Variants in ATF6 observed in about 807,000 individuals in gnomAD.
ATF6 encodes activating transcription factor 6, also known as cyclic AMP-dependent transcription factor ATF-6 alpha.
In ATF6, 53 loss-of-function variants were observed where a neutral mutation model predicts 83.6. The observed-to-expected ratio is 0.63, with a 90% CI of 0.51 to 0.80. The LOEUF is 0.80. Ranked by LOEUF, ATF6 falls within the 30% of genes least tolerant of loss-of-function variation. The pLI, the probability that ATF6 is intolerant of heterozygous loss-of-function variation, is 0.00. For missense variants in ATF6, 744 were observed against 797.9 expected, an observed-to-expected ratio of 0.93 and a Z score of 0.81; for synonymous variants, 288 against 285.8, an observed-to-expected ratio of 1.01 and a Z score of -0.08.
At chr1:161,799,715 A>G (rs1685100708) in intron 6 of ATF6, among the ~76,000 whole-genome samples, 3 of 152,200 alleles carry the variant, frequency 2.0e-5, no homozygotes, top group African/African-American at 7.2e-5. Flanking sequence ...AGATCTTCTT[A>G]TCTGGGATAA....
chr1:161,769,196 T>C (rs1009242045), intron 1 of ATF6, among the ~76,000 whole-genome samples: 1 of 152,252 alleles, frequency 6.6e-6, no homozygotes, highest in Admixed American at 6.5e-5. Flanking sequence ...TGTGTTTCTA[T>C]AAAGCTTTAT....
chr1:161,823,202 A>G (rs555596785), intron 9 of ATF6, among the ~76,000 whole-genome samples: 2 of 152,172 alleles, frequency 1.3e-5, no homozygotes, highest in South Asian at 4.1e-4. Context: ...TTTAAAAATA[A>G]TAAACCGTAA....
At chr1:161,898,581 TC>T (rs1337245274) in intron 14 of ATF6, among the ~76,000 whole-genome samples, 17 of 151,994 alleles carry the variant, frequency 1.1e-4, no homozygotes, top group Admixed American at 9.2e-4. Context: ...AGAGTCTCAC[TC>T]TGTCACCCAG....
At chr1:161,789,252 CTTTTTT>C (rs71755584) in intron 4 of ATF6, among the ~76,000 whole-genome samples, 2 of 101,380 alleles carry the variant, frequency 2.0e-5, no homozygotes, top group East Asian at 3.0e-4. Flanking sequence ...ATTCCTTCTC[CTTTTTT>C]TTTTTTTTTT....
At chr1:161,886,938 C>A (rs1332990293) in intron 14 of ATF6, among the ~76,000 whole-genome samples, 1 of 152,100 alleles carries the variant, frequency 6.6e-6, no homozygotes, top group African/African-American at 2.4e-5. Context: ...CAACTACAGT[C>A]GACAAAGAGA....
chr1:161,912,416 T>A, intron 15 of ATF6, 36 bp downstream of exon 15: 1 of 1,440,552 alleles, frequency 6.9e-7, no homozygotes, highest in Non-Finnish European at 9.6e-7. Context: ...CAATATGAGA[T>A]TTCTTTGTTT....
intron 15 of ATF6, among the ~76,000 whole-genome samples, chr1:161,935,008 G>T (rs1688510121): frequency 6.6e-6 from 1 of 152,178 alleles, no homozygotes; most frequent in African/African-American, 2.4e-5. Context: ...TCTGCACTCA[G>T]TTGTAAAGAA....
At chr1:161,942,570 C>T (rs1275148864) in intron 15 of ATF6, among the ~76,000 whole-genome samples, 1 of 152,228 alleles carries the variant, frequency 6.6e-6, no homozygotes, top group Non-Finnish European at 1.5e-5. Flanking sequence ...ACTGACTCCA[C>T]ACAATAACAA....
intron 2 of ATF6, among the ~76,000 whole-genome samples, chr1:161,778,957 G>C (rs1684580094): frequency 6.6e-6 from 1 of 152,160 alleles, no homozygotes; most frequent in Non-Finnish European, 1.5e-5. Flanking sequence ...AGTGAGCAGA[G>C]TAATTTGTCA....
intron 12 of ATF6, among the ~76,000 whole-genome samples, chr1:161,858,524 GACA>G (rs984031575): frequency 8.1e-4 from 123 of 152,188 alleles, no homozygotes; most frequent in African/African-American, 2.7e-3. Flanking sequence ...TATTCTAAGA[GACA>G]ACAAAAGAAA....
At chr1:161,852,017 C>T (rs1686643411) in intron 11 of ATF6, among the ~76,000 whole-genome samples, 182 bp downstream of exon 11, 1 of 152,130 alleles carries the variant, frequency 6.6e-6, no homozygotes, top group African/African-American at 2.4e-5. Context: ...GGTGATGGGT[C>T]TATTTTATGT....
intron 7 of ATF6, among the ~76,000 whole-genome samples, chr1:161,808,931 G>T (rs1217653674): frequency 6.6e-6 from 1 of 152,064 alleles, no homozygotes; most frequent in East Asian, 1.9e-4. Context: ...CTTCATAGGG[G>T]TGCCATAATT....
At chr1:161,852,798 T>A (rs1208518866) in intron 11 of ATF6, among the ~76,000 whole-genome samples, 6 of 152,106 alleles carry the variant, frequency 3.9e-5, no homozygotes, top group Admixed American at 2.0e-4. Flanking sequence ...AAAAATTTTC[T>A]GTAGAGACAG....
chr1:161,846,351 T>A (rs1001626333), intron 9 of ATF6, 98 bp from the exon 10 acceptor site: 7 of 1,336,580 alleles, frequency 5.2e-6, no homozygotes, highest in Non-Finnish European at 2.0e-6. Context: ...CGTGCATGGA[T>A]CTGCAAAGGA....
chr1:161,829,718 A>C (rs1686000383), intron 9 of ATF6, among the ~76,000 whole-genome samples: 1 of 152,154 alleles, frequency 6.6e-6, no homozygotes, highest in Non-Finnish European at 1.5e-5. Context: ...TAATTATCTC[A>C]ATAGATGCAG....
chr1:161,780,636 G>A (rs1390476843), intron 2 of ATF6, among the ~76,000 whole-genome samples: 6 of 152,156 alleles, frequency 3.9e-5, no homozygotes. Flanking sequence ...GCTTCCCAAA[G>A]TGCTGGGATT....
chr1:161,954,839 T>C (rs748750844), intron 15 of ATF6, among the ~76,000 whole-genome samples: 1 of 152,178 alleles, frequency 6.6e-6, no homozygotes, highest in Non-Finnish European at 1.5e-5. Context: ...TTTTCCTGAC[T>C]CAGTTCAGTG....
chr1:161,809,183 A>G (rs1335415360), intron 7 of ATF6, among the ~76,000 whole-genome samples: 1 of 152,090 alleles, frequency 6.6e-6, no homozygotes, highest in Non-Finnish European at 1.5e-5. Context: ...TCCTAATGCT[A>G]TCCCTCCCAC....
intron 4 of ATF6, among the ~76,000 whole-genome samples, chr1:161,790,145 A>G (rs1684844701): frequency 6.6e-6 from 1 of 151,880 alleles, no homozygotes; most frequent in South Asian, 2.1e-4. Context: ...AACTTTGTTT[A>G]TGGTCTAGTT....
Sources: allele counts gnomAD v4.1 joint callset (sites outside exome capture counted in the v4.1 genomes callset), GRCh38; gene constraint gnomAD v4.1.1; transcripts MANE v1.5; gene names NCBI Gene and HGNC (gene_info 2026-07-23, HGNC 2026-07-21).